FMN2: variants seen among roughly 807,000 people sequenced by gnomAD.
FMN2 encodes the protein formin-2.
FMN2 carries 51 observed loss-of-function variants against 142.3 expected under a neutral mutation model. The ratio of observed to expected loss-of-function variants is 0.36; its 90% confidence interval spans 0.29 to 0.45. The LOEUF (loss-of-function observed/expected upper bound fraction) is 0.45. FMN2 is among the 20% of genes least tolerant of loss of function. The pLI is 1.00. For synonymous variants in FMN2, 882 were observed against 869.8 expected, an observed-to-expected ratio of 1.01 and a Z score of -0.25; for missense variants, 1,936 against 2,122.8, an observed-to-expected ratio of 0.91 and a Z score of 1.73.
rs577496860 is a variant in FMN2 at position 240,158,241 on chromosome 1, A to G, written c.1783-19680A>G. 3.9e-5 allele frequency among the ~76,000 whole-genome samples: 6 copies of G among 152,146 alleles called. No homozygotes were observed. In the East Asian group the frequency reaches 1.2e-3, roughly 29 times the overall value. ...ACAAAACCAAACCAAAAAGAAAACC[A>G]CTGGTTTTCAAGGCCTCAGAGCATA... On this transcript the variant is annotated intron_variant, in intron 2 of 17. Coordinates refer to ENST00000319653, the MANE Select transcript of FMN2 (RefSeq NM_020066.5).
chr1:240,275,037 G>A (rs1481011079), intron 7 of FMN2, among the ~76,000 whole-genome samples: 1 of 151,532 alleles, frequency 6.6e-6, no homozygotes, highest in Non-Finnish European at 1.5e-5. Flanking sequence ...ACCTATAGCT[G>A]GTAGGGGAAA....
intron 6 of FMN2, among the ~76,000 whole-genome samples, chr1:240,223,455 T>A (rs1667192345): frequency 6.6e-6 from 1 of 152,186 alleles, no homozygotes; most frequent in South Asian, 2.1e-4. Context: ...TTTGTTTTGT[T>A]TTGTCTCTGC....
intron 14 of FMN2, among the ~76,000 whole-genome samples, chr1:240,364,795 G>A (rs1412067830): frequency 3.3e-5 from 5 of 152,206 alleles, no homozygotes; most frequent in Admixed American, 2.0e-4. Flanking sequence ...CTAGTACGTC[G>A]CAGACTCCCA....
chr1:240,130,053 G>A (rs1373424867), intron 2 of FMN2, among the ~76,000 whole-genome samples: 1 of 151,890 alleles, frequency 6.6e-6, no homozygotes, highest in Admixed American at 6.6e-5. Flanking sequence ...CTCTACTTTT[G>A]CCTTCATTTA....
At chr1:240,387,370 T>G (rs1673441060) in intron 14 of FMN2, among the ~76,000 whole-genome samples, 1 of 152,230 alleles carries the variant, frequency 6.6e-6, no homozygotes, top group Non-Finnish European at 1.5e-5. Context: ...GATTAAGCAT[T>G]TTTTAAAAAT....
intron 2 of FMN2, among the ~76,000 whole-genome samples, chr1:240,153,239 C>T (rs1663858833): frequency 1.3e-5 from 2 of 151,942 alleles, no homozygotes; most frequent in South Asian, 2.1e-4. Context: ...CAGCATAGAA[C>T]GAGGGCTGAG....
At chr1:240,402,192 A>C (rs1456854298) in intron 15 of FMN2, among the ~76,000 whole-genome samples, 1 of 152,240 alleles carries the variant, frequency 6.6e-6, no homozygotes, top group African/African-American at 2.4e-5. Flanking sequence ...AACTTTTATC[A>C]AGAAAATAAT....
intron 7 of FMN2, among the ~76,000 whole-genome samples, chr1:240,275,825 A>T (rs1300903371): frequency 2.0e-5 from 3 of 152,082 alleles, no homozygotes; most frequent in African/African-American, 7.2e-5. Context: ...TTTGATTTGC[A>T]TTTCTCCAAT....
chr1:240,207,380 A>T lies in FMN2; in HGVS notation c.2568A>T (p.Pro856=). The part of the protein sequence containing the change: ...SSAFKNSCNI[P]SPPPLPCTES... ...CCTTTAAAAACAGCTGTAACATCCC[A>T]TCTCCACCACCTCTGCCTTGCACAG... The change falls in exon 5 of 18, where the codon CCA becomes CCT. Residue 856 remains proline, a synonymous_variant. Transcript: ENST00000319653. 6.2e-7 allele frequency: 1 copy of T among 1,613,490 alleles called. No homozygotes were observed. Among genetic ancestry groups the T allele is most frequent in the Non-Finnish European group, 8.5e-7 (1 of 1,179,770 alleles).
At chr1:240,155,474 G>T (rs754899660) in intron 2 of FMN2, among the ~76,000 whole-genome samples, 1 of 152,012 alleles carries the variant, frequency 6.6e-6, no homozygotes, top group Non-Finnish European at 1.5e-5. Context: ...TAGAGACAGG[G>T]TCTAGCTATG....
Position 240,182,909 on chromosome 1 carries a change from C to A in FMN2, c.1930+4841C>A, listed in dbSNP as rs556455720. Among the ~76,000 whole-genome samples, 4 of 142,250 alleles carry A rather than the reference C, an allele frequency of 2.8e-5. No homozygotes were observed. The East Asian group carries it at 8.3e-4, about 29-fold the overall frequency. The allele number at this position is 142,250 out of a possible 152,430, so 93.3% of individuals were successfully genotyped here. A position where few individuals can be genotyped will look rare whatever the true frequency, so the allele number is the denominator to read the frequency against. ...CGTGCAATGTCAATACAACTCATTT[C>A]TTTTCTTTTCTTTTTTTTTTTTTTT... On this transcript the variant is annotated intron_variant, in intron 3 of 17. Transcript: ENST00000319653.
At chr1:240,192,508 G>A (rs1665736242) in intron 4 of FMN2, among the ~76,000 whole-genome samples, 1 of 152,082 alleles carries the variant, frequency 6.6e-6, no homozygotes, top group South Asian at 2.1e-4. Flanking sequence ...AAAGTAATTG[G>A]AAACCAACAA....
intron 2 of FMN2, among the ~76,000 whole-genome samples, chr1:240,152,066 C>T (rs956359129): frequency 2.0e-5 from 3 of 152,122 alleles, no homozygotes; most frequent in Non-Finnish European, 2.9e-5. Flanking sequence ...CCACCATGCC[C>T]GGCCTCCAAT....
intron 15 of FMN2, among the ~76,000 whole-genome samples, chr1:240,413,793 C>T (rs530128621): frequency 3.9e-5 from 6 of 152,288 alleles, no homozygotes; most frequent in East Asian, 3.9e-4. Context: ...AAACTGCATT[C>T]GTGCCTTCAA....
intron 13 of FMN2, among the ~76,000 whole-genome samples, chr1:240,354,806 A>T (rs1572222881): frequency 6.6e-6 from 1 of 152,170 alleles, no homozygotes; most frequent in Non-Finnish European, 1.5e-5. Context: ...AGAAATGGCA[A>T]CCTTACCTTA....
chr1:240,414,699 A>G (rs1472826802), intron 15 of FMN2, among the ~76,000 whole-genome samples: 3 of 152,212 alleles, frequency 2.0e-5, no homozygotes, highest in South Asian at 4.1e-4. Flanking sequence ...AGATATTCAC[A>G]CTGGTATTAT....
intron 2 of FMN2, among the ~76,000 whole-genome samples, chr1:240,174,246 G>A (rs1003359243): frequency 1.3e-5 from 2 of 152,130 alleles, no homozygotes; most frequent in African/African-American, 4.8e-5. Context: ...CTGTTTTCTG[G>A]GGCTGTGTAG....
chr1:240,448,215 A>G (rs1194099580), intron 16 of FMN2, among the ~76,000 whole-genome samples: 1 of 152,178 alleles, frequency 6.6e-6, no homozygotes, highest in Non-Finnish European at 1.5e-5. Context: ...CCAGAATCAA[A>G]AAAGACCATC....
chr1:240,190,485 A>G (rs1665657123), intron 4 of FMN2, among the ~76,000 whole-genome samples: 1 of 152,182 alleles, frequency 6.6e-6, no homozygotes, highest in South Asian at 2.1e-4. Flanking sequence ...TTGTCAACCT[A>G]CTGTATACCT....
Sources: gnomAD v4.1 joint callset for allele counts (sites outside exome capture counted in the v4.1 genomes callset) on GRCh38, gnomAD v4.1.1 for gene constraint, MANE v1.5 for transcripts, NCBI Gene and HGNC (gene_info 2026-07-23, HGNC 2026-07-21) for gene names.